The following POM121C variants were observed in gnomAD, a reference collection of about 807,000 sequenced individuals.
POM121C encodes the protein POM121 transmembrane nucleoporin C.
POM121C carries 20 observed loss-of-function variants against 66.4 expected under a neutral mutation model. The ratio of observed to expected loss-of-function variants is 0.30; its 90% CI spans 0.21 to 0.44. The LOEUF is 0.44. Among genes scored for constraint, POM121C ranks in the 20% least tolerant of loss-of-function variants. The pLI is 1.00. For missense variants in POM121C, 580 were observed against 1,225.7 expected (o/e 0.47, Z 7.87); for synonymous variants, 286 against 528.0 (o/e 0.54, Z 6.28).
At chr7:75,483,870 G>A (rs1792405321) in intron 1 of POM121C, among the ~76,000 whole-genome samples, 1 of 152,074 alleles carries the variant, frequency 6.6e-6, no homozygotes, top group South Asian at 2.1e-4. Context: ...GGAGGCTGAG[G>A]CGGGAGGATC....
chr7:75,468,126 T>TAA (rs368723160), intron 3 of POM121C, among the ~76,000 whole-genome samples: 115 of 64,336 alleles, frequency 1.8e-3, no homozygotes, highest in African/African-American at 4.2e-3. Context: ...AGACTCTGTC[T>TAA]AAAAAAAAAA....
rs587649506 is a variant in POM121C, at chr7:75,467,463, C to T, written c.-152+7241G>A. ...AGGAGAATGGTGTGAACCCTGGAGGCGGAGCTTGCAGTGAGCCGAGAATGC... is the reference window on the plus strand; with the variant it reads ...AGGAGAATGGTGTGAACCCTGGAGGTGGAGCTTGCAGTGAGCCGAGAATGC... On this transcript the variant is annotated intron_variant, in intron 3 of 14. Transcript: ENST00000615331. Among the ~76,000 whole-genome samples the T allele has an allele frequency of 9.0e-4, 118 of 131,040 alleles. 1 individual carries two copies. Among genetic ancestry groups the T allele is most frequent in the African/African-American group, 2.8e-3 (100 of 35,400 alleles). 86.0% of individuals were successfully genotyped at this position (131,040 alleles called of 152,430 possible). A position where few individuals can be genotyped will look rare whatever the true frequency, so the allele number is the denominator to read the frequency against.
chr7:75,478,059 C>T (rs188829716), intron 1 of POM121C, among the ~76,000 whole-genome samples: 7 of 152,240 alleles, frequency 4.6e-5, no homozygotes, highest in Admixed American at 2.0e-4. Flanking sequence ...CTCTGTCTCC[C>T]GGGTTCCAGC....
At chr7:75,477,011 C>A (rs1371773368) in intron 1 of POM121C, among the ~76,000 whole-genome samples, 1 of 151,882 alleles carries the variant, frequency 6.6e-6, no homozygotes, top group African/African-American at 2.4e-5. Flanking sequence ...ATATTATATA[C>A]ACAAATATAA....
intron 3 of POM121C, among the ~76,000 whole-genome samples, chr7:75,446,885 G>A (rs1216894005): frequency 1.4e-5 from 2 of 148,054 alleles, no homozygotes; most frequent in African/African-American, 5.0e-5. Context: ...GCGGGCGCCT[G>A]TAGTCCCAGC....
intron 1 of POM121C, among the ~76,000 whole-genome samples, chr7:75,484,044 G>A (rs1211069054): frequency 2.0e-5 from 3 of 151,490 alleles, no homozygotes; most frequent in Non-Finnish European, 3.0e-5. Context: ...GGAGGTTGCA[G>A]TGAAGCGAGA....
At chr7:75,437,732 C>A (rs1157595928) in intron 6 of POM121C, 46 bp from the exon 7 acceptor site, 10 of 1,529,460 alleles carry the variant, frequency 6.5e-6, no homozygotes, top group South Asian at 1.3e-5. Flanking sequence ...AGGCAACATT[C>A]TTTTACGATT....
chr7:75,455,940 A>G (rs587681447), intron 3 of POM121C, among the ~76,000 whole-genome samples: 1 of 152,310 alleles, frequency 6.6e-6, no homozygotes, highest in African/African-American at 2.4e-5. Flanking sequence ...TGCATGAGGA[A>G]AAACTTCATC....
chr7:75,428,264 T>C (rs782581782), intron 7 of POM121C, among the ~76,000 whole-genome samples: 26 of 152,074 alleles, frequency 1.7e-4, no homozygotes, highest in Non-Finnish European at 2.8e-4. Context: ...CTCAGCCTCC[T>C]GAGTAGCTGG....
At chr7:75,425,491 G>A (rs1789907512) in intron 9 of POM121C, 144 bp downstream of exon 9, 1 of 1,217,414 alleles carries the variant, frequency 8.2e-7, no homozygotes, top group South Asian at 1.6e-5. Flanking sequence ...AACTTCTGAA[G>A]GAGAGGAAAT....
At chr7:75,473,512 C>T (rs1235615852) in intron 3 of POM121C, among the ~76,000 whole-genome samples, 2 of 152,156 alleles carry the variant, frequency 1.3e-5, no homozygotes, top group Non-Finnish European at 2.9e-5. Flanking sequence ...GCTGAGGGAG[C>T]GCTACATCAT....
Position 75,421,902 on chromosome 7 carries a change from A to C in POM121C, c.2350T>G (p.Phe784Val), listed in dbSNP as rs782773045. 6.2e-7 allele frequency: 1 copy of C among 1,612,746 alleles called. No individual in the cohort carries two copies. Residue 784 changes from phenylalanine to valine, a missense_variant, in exon 13 of 15, where the codon TTC (phenylalanine) becomes GTC (valine). Transcript: ENST00000615331. ...GGCTGTGAGCTGGCGGGAGCGCCGA[A>C]GGCGGAAGCCGTGGCTTTCAATCCA... is the stretch of plus-strand genomic sequence containing the variant. The part of the protein sequence containing the change: ...AFGLKATASA[F>V]GAPASSQPAF...
rs587669014 is a variant in POM121C, at chr7:75,453,275, T to TAA, written c.-151-11630_-151-11629dup. ...GAGAGACCCTATCTCTACAAAAAGTTAAAAAAAAAAAAAAAAAAAGATACA... is the reference window on the plus strand; with the variant it reads ...GAGAGACCCTATCTCTACAAAAAGTTAAAAAAAAAAAAAAAAAAAAAGATACA... On this transcript the variant is annotated intron_variant, in intron 3 of 14. Transcript: ENST00000615331. Among the ~76,000 whole-genome samples the TAA allele has an allele frequency of 1.8e-3, 208 of 115,044 alleles. 2 individuals are homozygous for TAA. Among genetic ancestry groups the TAA allele is most frequent in the African/African-American group, 3.9e-3 (116 of 29,788 alleles). The allele number at this position is 115,044 out of a possible 152,430, so 75.5% of individuals were successfully genotyped here.
intron 3 of POM121C, among the ~76,000 whole-genome samples, chr7:75,443,301 G>T (rs1393795271): frequency 6.6e-6 from 1 of 152,110 alleles, no homozygotes; most frequent in Non-Finnish European, 1.5e-5. Context: ...GTGGGTTTGG[G>T]GGTGGGGAAT....
At chr7:75,471,016 G>C (rs1791853998) in intron 3 of POM121C, among the ~76,000 whole-genome samples, 1 of 151,874 alleles carries the variant, frequency 6.6e-6, no homozygotes, top group African/African-American at 2.4e-5. Context: ...CCCAAAGATT[G>C]ACAACGGGCT....
rs1461637200 is a variant in POM121C, at chr7:75,417,536, A to G, written c.*1260T>C. The G allele has an allele frequency of 1.0e-6, 1 of 985,272 alleles. No homozygotes were observed. The highest frequency in any genetic ancestry group is 1.2e-6 in the Non-Finnish European group (1 of 829,408). 61.0% of individuals were successfully genotyped at this position (985,272 alleles called of 1,614,324 possible). A position where few individuals can be genotyped will look rare whatever the true frequency, so the allele number is the denominator to read the frequency against. On this transcript the variant is annotated 3_prime_UTR_variant, in exon 15 of 15. Transcript: ENST00000615331. ...ACAGCAAGGCGCTTGGGCCTGGGGT[A>G]TGTGGTTTCAGAAGGACGGAAGGAA...
rs1554470627 is a variant in POM121C at position 75,421,541 on chromosome 7, C to G, written c.2711G>C (p.Gly904Ala). 6.2e-7 allele frequency: 1 copy of G among 1,611,340 alleles called. No homozygotes were observed. Residue 904 changes from glycine to alanine, a missense_variant, in exon 13 of 15, where the codon GGC becomes GCC. By Grantham distance (60) the Gly-to-Ala change is moderately conservative. Transcript: ENST00000615331. ...GQSTPFAFNV[G>A]STTESKPVFG... The stretch of plus-strand genomic sequence containing the variant: ...CACAGGTTTGCTCTCAGTTGTGCTG[C>G]CCACGTTGAAGGCAAACGGTGTGCT...
At chr7:75,481,050 T>A (rs1554480058) in intron 1 of POM121C, among the ~76,000 whole-genome samples, 1 of 143,496 alleles carries the variant, frequency 7.0e-6, no homozygotes, top group African/African-American at 2.5e-5. Flanking sequence ...TATATATAAA[T>A]ATATATATAT....
rs587667302 is a variant in POM121C, at chr7:75,441,530, G to A, written c.-34C>T. 1 of 1,613,788 alleles carries A rather than the reference G, an allele frequency of 6.2e-7. No individual in the cohort carries two copies. The highest frequency in any genetic ancestry group is 8.5e-7 in the Non-Finnish European group (1 of 1,179,790). On this transcript the variant is annotated 5_prime_UTR_variant, in exon 4 of 15. Transcript: ENST00000615331. The stretch of plus-strand genomic sequence containing the variant: ...TGCGAGGGGACAGCACAGCCTTCTT[G>A]TGATAACCATTCCAGCACACTGTGG...
Sources: gnomAD v4.1 joint callset for allele counts (sites outside exome capture counted in the v4.1 genomes callset) on GRCh38, gnomAD v4.1.1 for gene constraint, MANE v1.5 for transcripts, NCBI Gene and HGNC (gene_info 2026-07-23, HGNC 2026-07-21) for gene names.